PALM2AKAP2: variants seen among roughly 807,000 people sequenced by gnomAD.
PALM2AKAP2 encodes PALM2 and AKAP2 fusion.
PALM2AKAP2 carries 37 observed loss-of-function variants against 71.5 expected under a neutral mutation model. The observed-to-expected ratio is 0.52, with a 90% CI of 0.40 to 0.68. PALM2AKAP2 has a LOEUF of 0.68. Ranked by LOEUF, PALM2AKAP2 falls within the 30% of genes least tolerant of loss-of-function variation. The pLI is 0.00. For synonymous variants in PALM2AKAP2, 468 were observed against 478.8 expected (o/e 0.98, Z 0.29); for missense variants, 1,224 against 1,191.8 (o/e 1.03, Z -0.40).
chr9:110,106,180 AC>A (rs1835117789), intron 1 of PALM2AKAP2, among the ~76,000 whole-genome samples: 1 of 152,108 alleles, frequency 6.6e-6, no homozygotes, highest in Non-Finnish European at 1.5e-5. Flanking sequence ...GGAGAGGAAA[AC>A]CTTGGGCCCA....
chr9:110,111,803 T>C (rs1165472999), intron 1 of PALM2AKAP2, among the ~76,000 whole-genome samples: 1 of 152,166 alleles, frequency 6.6e-6, no homozygotes, highest in Non-Finnish European at 1.5e-5. Context: ...CAAAGCTGCA[T>C]CATCCTCCAG....
chr9:109,688,892 T>C (rs1237216374), intron 1 of PALM2AKAP2, among the ~76,000 whole-genome samples: 2 of 152,204 alleles, frequency 1.3e-5, no homozygotes, highest in Admixed American at 6.5e-5. Context: ...GCAAATTCCG[T>C]TGTAATCTTT....
intron 1 of PALM2AKAP2, among the ~76,000 whole-genome samples, chr9:110,080,093 AAAT>A (rs1255717483): frequency 0.01 from 1,466 of 139,738 alleles, 27 homozygotes; most frequent in African/African-American, 0.038. Context: ...AAAAAAAAAA[AAAT>A]AGAAGATTAA....
At chr9:110,066,347 T>C (rs573973131) in intron 1 of PALM2AKAP2, among the ~76,000 whole-genome samples, 2 of 152,290 alleles carry the variant, frequency 1.3e-5, no homozygotes, top group East Asian at 1.9e-4. Context: ...TCCTCATCTG[T>C]AAAACGCAGA....
chr9:109,689,731 G>A (rs1280963649), intron 1 of PALM2AKAP2, among the ~76,000 whole-genome samples: 1 of 152,196 alleles, frequency 6.6e-6, no homozygotes, highest in Non-Finnish European at 1.5e-5. Flanking sequence ...ATCCCAGCCT[G>A]GGGAGGACCT....
chr9:110,117,419 C>T (rs79610484), intron 1 of PALM2AKAP2, among the ~76,000 whole-genome samples: 11,128 of 152,258 alleles, frequency 0.073, 573 homozygotes, highest in South Asian at 0.12. Flanking sequence ...GCCACTGTAC[C>T]CTGCCAATAA....
chr9:110,145,371 C>A (rs1279028758), intron 2 of PALM2AKAP2, among the ~76,000 whole-genome samples: 1 of 152,176 alleles, frequency 6.6e-6, no homozygotes, highest in African/African-American at 2.4e-5. Flanking sequence ...CTTGTGAGTT[C>A]TTTTTGAAAG....
intron 3 of PALM2AKAP2, among the ~76,000 whole-genome samples, chr9:109,885,493 G>T (rs951522800): frequency 6.6e-6 from 1 of 152,138 alleles, no homozygotes; most frequent in African/African-American, 2.4e-5. Flanking sequence ...GTATGGTCAG[G>T]TTCAAGAATG....
At chr9:109,715,453 G>A (rs566290928) in intron 1 of PALM2AKAP2, among the ~76,000 whole-genome samples, 9 of 152,208 alleles carry the variant, frequency 5.9e-5, no homozygotes, top group African/African-American at 1.9e-4. Flanking sequence ...GTCGTTCAAC[G>A]TTCCCTGCTT....
At chr9:109,736,033 C>T (rs1441320181) in intron 1 of PALM2AKAP2, among the ~76,000 whole-genome samples, 1 of 152,138 alleles carries the variant, frequency 6.6e-6, no homozygotes, top group African/African-American at 2.4e-5. Flanking sequence ...AAGAAAGTTG[C>T]CTGCTTATGG....
intron 1 of PALM2AKAP2, among the ~76,000 whole-genome samples, chr9:109,709,969 C>T (rs1240317172): frequency 6.6e-6 from 1 of 152,106 alleles, no homozygotes; most frequent in Non-Finnish European, 1.5e-5. Context: ...GTGGATTACC[C>T]AGATGGGCCC....
chr9:109,915,946 C>T (rs1830678985), intron 3 of PALM2AKAP2, among the ~76,000 whole-genome samples: 1 of 151,638 alleles, frequency 6.6e-6, no homozygotes, highest in Non-Finnish European at 1.5e-5. Flanking sequence ...AATATATTGG[C>T]TTGCTTTTTT....
chr9:109,717,629 A>G (rs988916425), intron 1 of PALM2AKAP2, among the ~76,000 whole-genome samples: 3 of 152,210 alleles, frequency 2.0e-5, no homozygotes, highest in Admixed American at 1.3e-4. Context: ...AGCAGAAACA[A>G]TTATGAAAAG....
chr9:110,031,715 A>G (rs60400487), intron 7 of PALM2AKAP2, among the ~76,000 whole-genome samples: 2,974 of 152,292 alleles, frequency 0.02, 104 homozygotes, highest in African/African-American at 0.068. Flanking sequence ...AGACAGCACT[A>G]GATCTTCATG....
chr9:109,802,995 T>A (rs1210912422), intron 1 of PALM2AKAP2, among the ~76,000 whole-genome samples: 1 of 152,206 alleles, frequency 6.6e-6, no homozygotes, highest in Non-Finnish European at 1.5e-5. Context: ...CAGTTCATTA[T>A]TATTAAGATG....
chr9:109,949,083 G>A (rs558994965), intron 6 of PALM2AKAP2, among the ~76,000 whole-genome samples: 5 of 152,344 alleles, frequency 3.3e-5, no homozygotes, highest in Admixed American at 2.6e-4. Context: ...AACCTTGCAG[G>A]TGTGGCCCAA....
rs140857136 is a variant in PALM2AKAP2, at chr9:109,687,093, C to T, written c.5+46227C>T. Among the ~76,000 whole-genome samples the T allele has an allele frequency of 1.2e-3, 181 of 152,218 alleles. 1 individual carries two copies. Among genetic ancestry groups the T allele is most frequent in the African/African-American group, 4.1e-3 (169 of 41,536 alleles). On this transcript the variant is annotated intron_variant, in intron 1 of 6. Transcript: ENST00000374531. ...AGTATATCATTGTTGGTCATTTAGGCTGGTTCCAAGTCTTTGCTATTGTGA... is the reference window on the plus strand; with the variant it reads ...AGTATATCATTGTTGGTCATTTAGGTTGGTTCCAAGTCTTTGCTATTGTGA...
At chr9:109,790,479 T>G (rs1169050323) in intron 1 of PALM2AKAP2, among the ~76,000 whole-genome samples, 1 of 152,186 alleles carries the variant, frequency 6.6e-6, no homozygotes, top group Non-Finnish European at 1.5e-5. Flanking sequence ...CTTAACCCCT[T>G]TGGTGGCAGG....
chr9:109,850,489 T>C (rs1415017553), intron 1 of PALM2AKAP2, among the ~76,000 whole-genome samples: 1 of 152,022 alleles, frequency 6.6e-6, no homozygotes, highest in Non-Finnish European at 1.5e-5. Context: ...GGGTTGAAAA[T>C]AGTAGTGTAA....
Sources: gnomAD v4.1 joint callset for allele counts (sites outside exome capture counted in the v4.1 genomes callset) on GRCh38, gnomAD v4.1.1 for gene constraint, MANE v1.5 for transcripts, NCBI Gene and HGNC (gene_info 2026-07-23, HGNC 2026-07-21) for gene names.